AEBP2: variants seen among roughly 807,000 people sequenced by gnomAD.
The protein encoded by AEBP2 is AE binding protein 2, also known as zinc finger protein AEBP2.
AEBP2 carries 10 observed loss-of-function variants against 50.8 expected under a neutral mutation model. The ratio of observed to expected loss-of-function variants is 0.20; its 90% CI spans 0.12 to 0.33. The LOEUF (loss-of-function observed/expected upper bound fraction) is 0.33, where lower values mean the gene tolerates loss of function less well. Ranked by LOEUF, AEBP2 falls within the 10% of genes least tolerant of loss-of-function variation. The probability of loss-of-function intolerance (pLI) is 1.00; values close to 1 mark genes in which losing one functional copy is unlikely to be tolerated. For synonymous variants in AEBP2, 296 were observed against 261.3 expected (o/e 1.13, Z -1.28); for missense variants, 570 against 688.0 (o/e 0.83, Z 1.92).
intron 1 of AEBP2, among the ~76,000 whole-genome samples, chr12:19,430,481 A>G (rs2095750856): frequency 1.3e-5 from 2 of 151,972 alleles, no homozygotes; most frequent in South Asian, 4.2e-4. Context: ...TTCCATACGG[A>G]TTTTAAAGTA....
chr12:19,431,018 A>AG lies in AEBP2; in HGVS notation c.-17+26802_-17+26803insG, dbSNP rs1248356275. On this transcript the variant is annotated intron_variant, in intron 1 of 3. Coordinates refer to the AEBP2 transcript ENST00000538425. ...TAGAGCCAGACCCTGTCTAAAAAAA[A>AG]AAAAAAGAAAAAAATTATTTAAGGA... Among the ~76,000 whole-genome samples, 567 of 151,742 alleles carry AG rather than the reference A, an allele frequency of 3.7e-3. 7 individuals carry two copies. The highest frequency in any genetic ancestry group is 0.013 in the African/African-American group (550 of 41,388).
intron 2 of AEBP2, among the ~76,000 whole-genome samples, chr12:19,462,953 T>C (rs1049169746): frequency 2.0e-5 from 3 of 152,206 alleles, no homozygotes; most frequent in Non-Finnish European, 4.4e-5. Context: ...AATTAGACTT[T>C]TAAAAGTATA....
Position 19,404,442 on chromosome 12 carries a change from T to A in AEBP2, c.-17+226T>A, listed in dbSNP as rs140342209. Among the ~76,000 whole-genome samples the A allele has an allele frequency of 3.1e-4, 47 of 152,298 alleles. No homozygotes were observed. The East Asian group carries it at 7.7e-3, about 25-fold the overall frequency. The stretch of plus-strand genomic sequence containing the variant: ...CTCAGGCTCTGAAAACTCAACAGTT[T>A]TCTACTTCACAGTGTAGGGTGCTAC... On this transcript the variant is annotated intron_variant, in intron 1 of 3. Coordinates refer to the AEBP2 transcript ENST00000538425.
At chr12:19,475,174 G>C (rs938193050) in intron 3 of AEBP2, among the ~76,000 whole-genome samples, 3 of 4,882 alleles carry the variant, frequency 6.1e-4, no homozygotes, top group Non-Finnish European at 1.0e-3. Context: ...CCTGTCACCT[G>C]AGCTGTGTAC....
intron 2 of AEBP2, among the ~76,000 whole-genome samples, chr12:19,472,738 G>T (rs1948590067): frequency 6.6e-6 from 1 of 152,028 alleles, no homozygotes. Flanking sequence ...ACCAGTAAAA[G>T]ATTGTAATTT....
intron 1 of AEBP2, among the ~76,000 whole-genome samples, chr12:19,428,647 A>T (rs1419871429): frequency 6.6e-6 from 1 of 152,218 alleles, no homozygotes; most frequent in Non-Finnish European, 1.5e-5. Flanking sequence ...CGCTGTCTCT[A>T]CTAAAAATAC....
intron 5 of AEBP2, chr12:19,508,946 AC>A: frequency 2.2e-6 from 1 of 452,114 alleles, no homozygotes; most frequent in Non-Finnish European, 4.3e-6. Context: ...TTTCTACAAT[AC>A]AGCCTCTAAC....
At chr12:19,467,795 C>T (rs921126818) in intron 2 of AEBP2, among the ~76,000 whole-genome samples, 4 of 152,002 alleles carry the variant, frequency 2.6e-5, no homozygotes, top group Admixed American at 2.6e-4. Flanking sequence ...GAAAGAAAGC[C>T]AGAGGTTTAG....
In AEBP2 at chr12:19,518,471, C is replaced by A; in HGVS notation, c.*354C>A. 8.1e-7 allele frequency: 1 copy of A among 1,234,986 alleles called. No homozygotes were observed. The highest frequency in any genetic ancestry group is 1.0e-6 in the Non-Finnish European group (1 of 987,540). The allele number at this position is 1,234,986 out of a possible 1,614,324, so 76.5% of individuals were successfully genotyped here. ...TTTCTTTTCTTCCCTTTAGTGATTT[C>A]AGTAGTTTATATTGGAAAGAAAAAC... On this transcript the variant is annotated 3_prime_UTR_variant, in exon 8 of 8. Transcript: ENST00000266508.
intron 1 of AEBP2, among the ~76,000 whole-genome samples, chr12:19,417,455 G>GC (rs1223399102): frequency 6.6e-6 from 1 of 151,972 alleles, no homozygotes; most frequent in Non-Finnish European, 1.5e-5. Flanking sequence ...CACCCAGGCT[G>GC]GAGTGCAGTC....
At chr12:19,424,584 G>C (rs1173877733) in intron 1 of AEBP2, among the ~76,000 whole-genome samples, 2 of 151,624 alleles carry the variant, frequency 1.3e-5, no homozygotes, top group Non-Finnish European at 2.9e-5. Context: ...TTTTAGTAGA[G>C]ACGGGGTTTC....
chr12:19,470,182 G>A (rs191522792), intron 2 of AEBP2, among the ~76,000 whole-genome samples: 13 of 149,318 alleles, frequency 8.7e-5, no homozygotes, highest in African/African-American at 3.2e-4. Context: ...TTTTTAAGAC[G>A]GAGTTTTGCT....
At chr12:19,458,356 A>G (rs1157789202) in intron 1 of AEBP2, among the ~76,000 whole-genome samples, 2 of 152,212 alleles carry the variant, frequency 1.3e-5, no homozygotes, top group African/African-American at 4.8e-5. Flanking sequence ...GTTGTGAAGC[A>G]GAACTTCTGT....
intron 5 of AEBP2, among the ~76,000 whole-genome samples, 181 bp from the exon 6 acceptor site, chr12:19,512,217 T>G (rs2120602943): frequency 6.6e-6 from 1 of 152,256 alleles, no homozygotes; most frequent in Admixed American, 6.5e-5. Context: ...AGACGGGGTT[T>G]CACCATATTG....
At chr12:19,457,698 C>G (rs1948295119) in intron 1 of AEBP2, 2 of 1,148,056 alleles carry the variant, frequency 1.7e-6, no homozygotes, top group Non-Finnish European at 2.3e-6. Flanking sequence ...GGCGGCAAAC[C>G]CATTGTGAAA....
intron 5 of AEBP2, among the ~76,000 whole-genome samples, chr12:19,509,816 CTTTCTTTTT>C (rs1949206758): frequency 8.3e-6 from 1 of 121,054 alleles, no homozygotes. Flanking sequence ...AACATGGCTA[CTTTCTTTTT>C]TTTTTTTTTT....
At chr12:19,408,472 C>T (rs2728780) in intron 1 of AEBP2, among the ~76,000 whole-genome samples, 24,032 of 151,142 alleles carry the variant, frequency 0.16, 3,430 homozygotes, top group African/African-American at 0.38. Context: ...TCGCTTGAAC[C>T]CAGGAGGTGG....
At chr12:19,417,575 T>G (rs908312506) in intron 1 of AEBP2, among the ~76,000 whole-genome samples, 1 of 151,626 alleles carries the variant, frequency 6.6e-6, no homozygotes, top group Non-Finnish European at 1.5e-5. Flanking sequence ...ACCCGGCCAA[T>G]TTTTATATTT....
At position 19,518,512 on chromosome 12, in the gene AEBP2, C is replaced by G. The variant is rs1234798847; in HGVS notation, c.*395C>G. 1 of 1,257,988 alleles carries G rather than the reference C, an allele frequency of 7.9e-7. No homozygotes were observed. The highest frequency in any genetic ancestry group is 1.5e-5 in the African/African-American group (1 of 64,702). The allele number at this position is 1,257,988 out of a possible 1,614,324, so 77.9% of individuals were successfully genotyped here. On this transcript the variant is annotated 3_prime_UTR_variant, in exon 8 of 8. Transcript: ENST00000266508. ...AAAGAAAAACAATTACAACATGTGC[C>G]CTTACAAATACCAAAAGCACTGTAA...
Sources: gnomAD v4.1 joint callset for allele counts (sites outside exome capture counted in the v4.1 genomes callset) on GRCh38, gnomAD v4.1.1 for gene constraint, MANE v1.5 for transcripts, NCBI Gene and HGNC (gene_info 2026-07-23, HGNC 2026-07-21) for gene names.